The following CLECL1 variants were observed in gnomAD, a reference collection of about 807,000 sequenced individuals.
CLECL1 encodes the protein C-type lectin-like domain family 1.
In CLECL1 at chr12:9,722,672, A is replaced by T. The variant is rs1260064311; in HGVS notation, n.404T>A. The T allele has an allele frequency of 2.5e-6, 4 of 1,613,674 alleles. No homozygotes were observed. In the African/African-American group the frequency reaches 5.3e-5, roughly 22 times the overall value. On this transcript the variant is annotated non_coding_transcript_exon_variant, in exon 4 of 4. Coordinates refer to ENST00000621400, the Ensembl canonical transcript of CLECL1. ...AGCAGTAATGTCTTGAATCACCATG[A>T]GATATGAATTGTTTATGGCACAGTC...
chr12:9,722,460 C>A, downstream of CLECL1: 1 of 1,190,642 alleles, frequency 8.4e-7, no homozygotes, highest in Non-Finnish European at 1.1e-6. Flanking sequence ...TCCCCTCCTC[C>A]TAGCCGGAAA....
the CLECL1 span, chr12:9,708,907 A>T: frequency 4.1e-5 from 11 of 269,472 alleles, no homozygotes; most frequent in Admixed American, 3.1e-4. Flanking sequence ...CTTCCAGCTT[A>T]TACTCCTCTG....
the CLECL1 span, chr12:9,709,103 A>G: frequency 1.9e-5 from 3 of 159,726 alleles, no homozygotes; most frequent in African/African-American, 7.2e-5. Flanking sequence ...ATGAGGACAG[A>G]TGGTCTGAGG....
downstream of CLECL1, among the ~76,000 whole-genome samples, chr12:9,720,424 C>T (rs894119404): frequency 6.6e-6 from 1 of 150,786 alleles, no homozygotes; most frequent in Non-Finnish European, 1.5e-5. Flanking sequence ...CTCACTGCAA[C>T]CTCCGCCTCC....
rs754111425 is a variant in CLECL1 at position 9,733,029 on chromosome 12, A to G, written n.2T>C. ...GTCAGCGTAGACTACATCTCCAGCC[A>G]TTGCACAGATCAAAAAGAGAGAGAA... On this transcript the variant is annotated non_coding_transcript_exon_variant, in exon 1 of 4. Coordinates refer to ENST00000621400, the Ensembl canonical transcript of CLECL1. 2.1e-5 allele frequency: 34 copies of G among 1,614,232 alleles called. 1 individual carries two copies. The highest frequency in any genetic ancestry group is 2.8e-5 in the Non-Finnish European group (33 of 1,180,024).
At chr12:9,722,871 A>G (rs1866332158) in intron 3 of CLECL1, 58 bp from the exon 2 acceptor site, 6 of 1,287,420 alleles carry the variant, frequency 4.7e-6, no homozygotes, top group South Asian at 1.5e-5. Flanking sequence ...CTAATAATGT[A>G]TACTAATTGA....
upstream of CLECL1, chr12:9,733,221 G>A (rs1866475799): frequency 6.2e-7 from 1 of 1,613,036 alleles, no homozygotes; most frequent in Non-Finnish European, 8.5e-7. Flanking sequence ...CAAGGTAGCA[G>A]ATTTCTCGAA....
At chr12:9,732,724 T>C (rs1192199929) in intron 1 of CLECL1, among the ~76,000 whole-genome samples, 1 of 152,172 alleles carries the variant, frequency 6.6e-6, no homozygotes, top group Admixed American at 6.5e-5. Context: ...AGAAAGGCTA[T>C]GAAAACAGAA....
chr12:9,710,349 C>T, the CLECL1 span, among the ~76,000 whole-genome samples: 1 of 152,090 alleles, frequency 6.6e-6, no homozygotes, highest in Admixed American at 6.5e-5. Context: ...CAGCAGTTTA[C>T]CCCAAAAGAA....
chr12:9,725,454 A>G lies in CLECL1; in HGVS notation n.262+2111T>C, dbSNP rs138175802. Among the ~76,000 whole-genome samples, 786 of 152,234 alleles carry G rather than the reference A, an allele frequency of 5.2e-3. 14 individuals are homozygous for G. Among genetic ancestry groups the G allele is most frequent in the African/African-American group, 0.018 (737 of 41,552 alleles). ...ATGTAGCTGAAAAATTTTAGGACACATTTAATGAAAACTATAAAAACTACA... is the reference window on the plus strand; with the variant it reads ...ATGTAGCTGAAAAATTTTAGGACACGTTTAATGAAAACTATAAAAACTACA... On this transcript the variant is annotated intron_variant and non_coding_transcript_variant, in intron 3 of 3. Coordinates refer to ENST00000621400, the Ensembl canonical transcript of CLECL1.
the CLECL1 span, among the ~76,000 whole-genome samples, chr12:9,704,595 T>C: frequency 1.3e-5 from 2 of 152,194 alleles, no homozygotes; most frequent in East Asian, 1.9e-4. Context: ...CCGTTTTTGT[T>C]ATTTCCCTCT....
At chr12:9,712,243 G>A (rs769454277), downstream of CLECL1, among the ~76,000 whole-genome samples, 36 of 152,290 alleles carry the variant, frequency 2.4e-4, 4 homozygotes, top group South Asian at 7.5e-3. Context: ...CATCCCCATA[G>A]TCTATTCTGC....
the CLECL1 span, among the ~76,000 whole-genome samples, chr12:9,704,780 A>G: frequency 5.3e-5 from 8 of 152,166 alleles, no homozygotes; most frequent in African/African-American, 1.7e-4. Context: ...CATGGTGTAT[A>G]TGTACCACAT....
Position 9,732,960 on chromosome 12 carries a change from A to G in CLECL1, n.71T>C, listed in dbSNP as rs202221764. On this transcript the variant is annotated non_coding_transcript_exon_variant, in exon 1 of 4. Transcript: ENST00000621400. ...TAAATCCAGCTTACCAGATCTCTGA[A>G]GTGGAAACGCGAGTTCTAACGGGGA... The G allele has an allele frequency of 1.6e-4, 262 of 1,602,488 alleles. 1 individual carries two copies. The East Asian group carries it at 5.7e-3, about 35-fold the overall frequency.
the CLECL1 span, among the ~76,000 whole-genome samples, chr12:9,706,781 A>C: frequency 6.6e-6 from 1 of 152,188 alleles, no homozygotes; most frequent in Non-Finnish European, 1.5e-5. Flanking sequence ...GAATTTTTGC[A>C]TATGATCATC....
chr12:9,704,853 A>G, the CLECL1 span, among the ~76,000 whole-genome samples: 4 of 152,130 alleles, frequency 2.6e-5, no homozygotes, highest in African/African-American at 7.2e-5. Context: ...GCTATTGTGA[A>G]TAGTGCTGCA....
At chr12:9,709,569 T>C in the CLECL1 span, among the ~76,000 whole-genome samples, 1 of 152,238 alleles carries the variant, frequency 6.6e-6, no homozygotes, top group Non-Finnish European at 1.5e-5. Context: ...ATTATGTTAC[T>C]TTTGAATCAG....
chr12:9,723,253 C>A (rs1463948268), intron 3 of CLECL1, among the ~76,000 whole-genome samples: 1 of 152,066 alleles, frequency 6.6e-6, no homozygotes, highest in Non-Finnish European at 1.5e-5. Flanking sequence ...TAGGCAGTCC[C>A]CCAAAATCAA....
At chr12:9,729,806 C>A (rs1866424763) in intron 1 of CLECL1, among the ~76,000 whole-genome samples, 1 of 151,994 alleles carries the variant, frequency 6.6e-6, no homozygotes, top group African/African-American at 2.4e-5. Flanking sequence ...AATATGTAGA[C>A]CCAGCTTCTT....
Sources: allele counts gnomAD v4.1 joint callset (sites outside exome capture counted in the v4.1 genomes callset), GRCh38; gene constraint gnomAD v4.1.1; transcripts MANE v1.5; gene names NCBI Gene and HGNC (gene_info 2026-07-23, HGNC 2026-07-21).